Variants in ARHGEF11 observed in about 807,000 individuals in gnomAD.
ARHGEF11 encodes the protein Rho guanine nucleotide exchange factor 11, also known as Rho guanine exchange factor (GEF) 11.
ARHGEF11 carries 55 observed loss-of-function variants against 193.7 expected under a neutral mutation model. The observed-to-expected ratio is 0.28, with a 90% CI of 0.23 to 0.36. The LOEUF (loss-of-function observed/expected upper bound fraction) is 0.36. ARHGEF11 is among the 10% of genes least tolerant of loss of function. The pLI, the probability that ARHGEF11 is intolerant of heterozygous loss-of-function variation, is 1.00. For synonymous variants in ARHGEF11, 693 were observed against 768.0 expected, an observed-to-expected ratio of 0.90 and a Z score of 1.62; for missense variants, 1,723 against 2,005.6, an observed-to-expected ratio of 0.86 and a Z score of 2.69.
chr1:156,993,688 C>T (rs1193756484), intron 1 of ARHGEF11, among the ~76,000 whole-genome samples: 1 of 152,184 alleles, frequency 6.6e-6, no homozygotes, highest in African/African-American at 2.4e-5. Context: ...AGGCTCCTGG[C>T]ACCCTAACTT....
At chr1:157,036,114 A>AAT (rs977192160) in intron 1 of ARHGEF11, among the ~76,000 whole-genome samples, 1 of 144,046 alleles carries the variant, frequency 6.9e-6, no homozygotes, top group Non-Finnish European at 1.5e-5. Flanking sequence ...AATATATATG[A>AAT]ATATATATAT....
intron 13 of ARHGEF11, among the ~76,000 whole-genome samples, chr1:156,962,775 G>A (rs1371396102): frequency 6.6e-6 from 1 of 151,362 alleles, no homozygotes; most frequent in Non-Finnish European, 1.5e-5. Flanking sequence ...GCTACTCGGG[G>A]GGCTGAGGCA....
chr1:156,971,774 C>T lies in ARHGEF11; in HGVS notation c.625G>A (p.Glu209Lys), dbSNP rs770951096. The change falls in exon 8 of 41, where the codon GAA (glutamate) becomes AAA (lysine). Residue 209 changes from glutamate to lysine, a missense_variant. By Grantham distance (56) the Glu-to-Lys change is moderately conservative. Around this residue, in one of 5 missense-constraint regions of ARHGEF11, gnomAD observed 646 missense variants for 710.7 expected, o/e 0.91. Coordinates refer to ENST00000368194, the MANE Select transcript of ARHGEF11 (RefSeq NM_198236.3). The part of the protein sequence containing the change: ...VYSRNPASLL[E>K]EQIEGARRRV... ...CGCCGGGCACCTTCGATCTGCTCTT[C>T]CAGTAGGCTGGCGGGGTTCCGGCTA... is the stretch of plus-strand genomic sequence containing the variant. The T allele has an allele frequency of 1.7e-5, 27 of 1,613,936 alleles. No individual in the cohort carries two copies. The highest frequency in any genetic ancestry group is 2.2e-5 in the Non-Finnish European group (26 of 1,180,010).
At chr1:156,997,160 T>C (rs1426669309) in intron 1 of ARHGEF11, among the ~76,000 whole-genome samples, 1 of 152,046 alleles carries the variant, frequency 6.6e-6, no homozygotes, top group Non-Finnish European at 1.5e-5. Context: ...TGAGACACCA[T>C]GCCCAGCCAG....
At chr1:156,982,965 G>C (rs530210590) in intron 3 of ARHGEF11, among the ~76,000 whole-genome samples, 2 of 152,224 alleles carry the variant, frequency 1.3e-5, no homozygotes, top group Admixed American at 1.3e-4. Context: ...TCATACATTT[G>C]AAATTCTCTT....
At chr1:156,956,661 G>A (rs1660005862) in intron 18 of ARHGEF11, 97 bp from the exon 19 acceptor site, 1 of 1,512,028 alleles carries the variant, frequency 6.6e-7, no homozygotes, top group Non-Finnish European at 9.0e-7. Context: ...TGGGGAAGGG[G>A]TAGTTACAGG....
chr1:156,998,526 G>A (rs543099345), intron 1 of ARHGEF11, among the ~76,000 whole-genome samples: 25 of 152,150 alleles, frequency 1.6e-4, no homozygotes, highest in Admixed American at 2.6e-4. Flanking sequence ...GGGAATACTA[G>A]CCACCTATCC....
intron 1 of ARHGEF11, among the ~76,000 whole-genome samples, chr1:157,016,570 G>A (rs955449841): frequency 3.9e-5 from 6 of 152,082 alleles, no homozygotes; most frequent in Admixed American, 1.3e-4. Context: ...GTTGTTTGGC[G>A]TCTGTTCATT....
At chr1:157,026,116 A>C (rs1019306862) in intron 1 of ARHGEF11, among the ~76,000 whole-genome samples, 1 of 152,244 alleles carries the variant, frequency 6.6e-6, no homozygotes, top group Admixed American at 6.5e-5. Flanking sequence ...TGATGACGTA[A>C]GTATCATTCT....
At chr1:157,043,582 A>G (rs1366155985) in intron 1 of ARHGEF11, among the ~76,000 whole-genome samples, 2 of 152,358 alleles carry the variant, frequency 1.3e-5, no homozygotes, top group African/African-American at 4.8e-5. Flanking sequence ...TTCTGGCTCC[A>G]GGCAGAGGGA....
intron 1 of ARHGEF11, among the ~76,000 whole-genome samples, chr1:157,022,067 A>C (rs1220874860): frequency 6.6e-6 from 1 of 152,240 alleles, no homozygotes; most frequent in Non-Finnish European, 1.5e-5. Context: ...ATCTATAAAA[A>C]AGCCAAAGCT....
chr1:156,992,808 AGCTTACACTGCCCACT>A (rs1665950832), intron 1 of ARHGEF11, among the ~76,000 whole-genome samples: 3 of 152,124 alleles, frequency 2.0e-5, no homozygotes, highest in African/African-American at 7.2e-5. Flanking sequence ...CACTGCCCAC[AGCTTACACTGCCCACT>A]GCTTCACTCA....
intron 1 of ARHGEF11, among the ~76,000 whole-genome samples, chr1:156,988,418 G>C (rs1665242846): frequency 6.6e-6 from 1 of 152,044 alleles, no homozygotes; most frequent in African/African-American, 2.4e-5. Context: ...GACTGCACAG[G>C]GCTATCCACG....
chr1:157,022,316 A>G (rs1397673291), intron 1 of ARHGEF11, among the ~76,000 whole-genome samples: 1 of 152,022 alleles, frequency 6.6e-6, no homozygotes, highest in African/African-American at 2.4e-5. Flanking sequence ...CAATAAAAAC[A>G]AAGTCAGCAA....
intron 1 of ARHGEF11, among the ~76,000 whole-genome samples, chr1:157,023,504 G>A (rs1291182734): frequency 1.3e-5 from 2 of 152,108 alleles, no homozygotes; most frequent in South Asian, 2.1e-4. Context: ...GGTGGCTCAC[G>A]CCTGTAATCT....
At position 156,939,599 on chromosome 1, in the gene ARHGEF11, C is replaced by T. The variant is rs568941052; in HGVS notation, c.4045G>A (p.Glu1349Lys). Residue 1349 changes from glutamate to lysine, a missense_variant, in exon 37 of 41, where the codon GAA (glutamate) becomes AAA (lysine). Transcript: ENST00000368194. The stretch of plus-strand genomic sequence containing the variant: ...GCTGCCTCTGTGCTTGAAGCATCTT[C>T]AGCCAGATTCCTGTCCAGTTCTGGA... ...ESPELDRNLA[E>K]DASSTEAAGG... 3.9e-5 allele frequency: 63 copies of T among 1,613,324 alleles called. 1 individual carries two copies. In the South Asian group the frequency reaches 6.6e-4, roughly 17 times the overall value.
intron 6 of ARHGEF11, 80 bp from the exon 7 acceptor site, chr1:156,977,134 G>T: frequency 8.2e-7 from 1 of 1,215,976 alleles, no homozygotes; most frequent in Non-Finnish European, 1.2e-6. Flanking sequence ...TGGTTCCTGG[G>T]CAAGGACAGC....
chr1:156,949,635 G>T (rs1256781236), intron 22 of ARHGEF11, among the ~76,000 whole-genome samples: 1 of 152,112 alleles, frequency 6.6e-6, no homozygotes, highest in Non-Finnish European at 1.5e-5. Context: ...CTCCAGAATT[G>T]TGTTAGAACA....
intron 2 of ARHGEF11, 49 bp from the exon 3 acceptor site, chr1:156,984,486 G>C (rs776080301): frequency 4.2e-6 from 6 of 1,444,720 alleles, no homozygotes; most frequent in Middle Eastern, 1.9e-4. Context: ...TGGGAGGTTA[G>C]TGTACACATG....
Sources: allele counts gnomAD v4.1 joint callset (sites outside exome capture counted in the v4.1 genomes callset), GRCh38; gene constraint gnomAD v4.1.1; regional missense constraint gnomAD v4.1.1; transcripts MANE v1.5; gene names NCBI Gene and HGNC (gene_info 2026-07-23, HGNC 2026-07-21).